Variants in PSMD5 observed in about 807,000 individuals in gnomAD.
The protein encoded by PSMD5 is 26S proteasome non-ATPase regulatory subunit 5.
PSMD5 carries 40 observed loss-of-function variants against 52.1 expected under a neutral mutation model. The observed-to-expected ratio is 0.77, with a 90% CI of 0.60 to 1.00. The LOEUF (loss-of-function observed/expected upper bound fraction) is 1.00. Among genes scored for constraint, PSMD5 ranks in the 50% least tolerant of loss-of-function variants. The pLI is 0.00. For synonymous variants in PSMD5, 211 were observed against 226.6 expected (o/e 0.93, Z 0.62); for missense variants, 575 against 605.2 (o/e 0.95, Z 0.52).
chr9:120,838,161 G>T (rs912849320), intron 1 of PSMD5, among the ~76,000 whole-genome samples: 1 of 152,202 alleles, frequency 6.6e-6, no homozygotes, highest in African/African-American at 2.4e-5. Context: ...GCCTCTGGGA[G>T]TGAAAGATAC....
chr9:120,833,168 A>AG, intron 2 of PSMD5, 144 bp downstream of exon 2: 1 of 939,354 alleles, frequency 1.1e-6, no homozygotes, highest in Non-Finnish European at 1.6e-6. Flanking sequence ...CACATTTCCT[A>AG]GGGGGAAAGA....
chr9:120,826,561 C>T (rs2045123222), intron 6 of PSMD5: 2 of 545,996 alleles, frequency 3.7e-6, no homozygotes, highest in African/African-American at 1.9e-5. Context: ...AATCCCACTT[C>T]ATCAGGGTGG....
chr9:120,820,839 C>G lies in PSMD5; in HGVS notation c.1257G>C (p.Thr419=). The G allele has an allele frequency of 6.4e-7, 1 of 1,571,546 alleles. No homozygotes were observed. Among genetic ancestry groups the G allele is most frequent in the African/African-American group, 1.4e-5 (1 of 73,038 alleles). ...ELHCAALKVF[T]AIANQPWAQK... ...AGGACCTATGGAAGTGAATACCTAC[C>G]GTAAACACTTTTAAGGCAGCACAGT... The change falls in exon 9 of 10, where the codon ACG becomes ACC. Residue 419 remains threonine (T), a splice_region_variant and synonymous_variant. Transcript: ENST00000210313.
intron 1 of PSMD5, 39 bp downstream of exon 1, chr9:120,842,698 T>G (rs1186379644): frequency 1.2e-6 from 2 of 1,608,960 alleles, no homozygotes; most frequent in African/African-American, 1.3e-5. Context: ...TATTTAGGGG[T>G]GCCCCTCTCC....
At chr9:120,829,337 G>A (rs2045144990) in intron 4 of PSMD5, 129 bp from the exon 5 acceptor site, 1 of 1,141,040 alleles carries the variant, frequency 8.8e-7, no homozygotes, top group Non-Finnish European at 1.1e-6. Flanking sequence ...TCCATTATTT[G>A]TCTCTTTAAG....
Position 120,831,842 on chromosome 9 carries a change from A to G in PSMD5, c.422T>C (p.Val141Ala), listed in dbSNP as rs754966698. ...TTCTAGTAGACTCACCGCTTTTGCT[A>G]CAGATAGATTCTCTCCACCAATGCA... Reference protein sequence around the residue: ...VYCIGGENLSVAKAAIKSLSR... With the variant: ...VYCIGGENLSAAKAAIKSLSR... The change falls in exon 3 of 10, where the codon GTA becomes GCA. Residue 141 changes from valine (V) to alanine (A), a missense_variant. Physicochemically the swap from Val to Ala is moderately conservative, Grantham distance 64. Coordinates refer to ENST00000210313, the MANE Select transcript of PSMD5 (RefSeq NM_005047.4). 1 of 1,612,542 alleles carries G rather than the reference A, an allele frequency of 6.2e-7. No individual in the cohort carries two copies. The highest frequency in any genetic ancestry group is 1.1e-5 in the South Asian group (1 of 90,962).
At chr9:120,826,964 T>C in intron 5 of PSMD5, 57 bp from the exon 6 acceptor site, 3 of 1,504,626 alleles carry the variant, frequency 2.0e-6, no homozygotes, top group Non-Finnish European at 1.8e-6. Context: ...GCATAGTTTA[T>C]AAATTGCTCT....
intron 3 of PSMD5, 133 bp from the exon 4 acceptor site, chr9:120,831,592 G>A (rs1456198034): frequency 1.1e-5 from 13 of 1,206,782 alleles, no homozygotes; most frequent in South Asian, 3.2e-5. Context: ...TGGAAAAGAC[G>A]CAAGGTATCC....
At chr9:120,820,568 T>A (rs2045076551) in intron 9 of PSMD5, among the ~76,000 whole-genome samples, 1 of 152,212 alleles carries the variant, frequency 6.6e-6, no homozygotes, top group Non-Finnish European at 1.5e-5. Flanking sequence ...AGACCAGGGC[T>A]AGGTTAATAG....
intron 6 of PSMD5, among the ~76,000 whole-genome samples, chr9:120,826,372 T>C (rs1284853798): frequency 6.6e-6 from 1 of 152,200 alleles, no homozygotes; most frequent in Non-Finnish European, 1.5e-5. Context: ...ACATGGCCTT[T>C]ATTGTGTTGA....
In PSMD5 at chr9:120,842,898, C is replaced by T. The variant is rs749297201; in HGVS notation, c.12G>A (p.Gln4=). The T allele has an allele frequency of 6.3e-6, 10 of 1,589,122 alleles. No homozygotes were observed. In the Admixed American group the frequency reaches 8.5e-5, roughly 14 times the overall value. The change falls in exon 1 of 10, where the codon CAG becomes CAA. Residue 4 remains glutamine (Q), a synonymous_variant. Coordinates refer to ENST00000210313, the MANE Select transcript of PSMD5 (RefSeq NM_005047.4). The stretch of plus-strand genomic sequence containing the variant: ...CTACCTCTCTCAGCAGCGCCAAAGC[C>T]TGGGCTGCCATCTTGCCCCCCGACG... MAA[Q]ALALLREVAR...
rs144296104 is a variant in PSMD5 at position 120,826,831 on chromosome 9, T to C, written c.748A>G (p.Ile250Val). The C allele has an allele frequency of 1.4e-4, 229 of 1,613,298 alleles. No individual in the cohort carries two copies. Among genetic ancestry groups the C allele is most frequent in the Non-Finnish European group, 1.9e-4 (223 of 1,179,342 alleles). ...ACAATTATATTAGAAATTTGGTCAA[T>C]TACTCCTTCTTGAGCAAGATATTGT... ...GRQYLAQEGV[I>V]DQISNIIVGA... Residue 250 changes from isoleucine (I) to valine (V), a missense_variant, in exon 6 of 10, where the codon ATT becomes GTT. By Grantham distance (29) the Ile-to-Val change is conservative (BLOSUM62 3). Coordinates refer to ENST00000210313, the MANE Select transcript of PSMD5 (RefSeq NM_005047.4).
intron 2 of PSMD5, among the ~76,000 whole-genome samples, chr9:120,832,313 GAACAGGCAAAGCACCTGCT>G (rs2131430661): frequency 6.6e-6 from 1 of 151,326 alleles, no homozygotes; most frequent in South Asian, 2.1e-4. Context: ...AAATGAGACC[GAACAGGCAAAGCACCTGCT>G]ACAGTGTCTG....
chr9:120,837,668 A>C (rs2045207533), intron 1 of PSMD5, among the ~76,000 whole-genome samples: 1 of 152,242 alleles, frequency 6.6e-6, no homozygotes, highest in African/African-American at 2.4e-5. Context: ...AAAATACTAT[A>C]ACCACTTTGG....
At position 120,824,512 on chromosome 9, in the gene PSMD5, G is replaced by T; in HGVS notation, c.988C>A (p.Gln330Lys). 1 of 1,614,088 alleles carries T rather than the reference G, an allele frequency of 6.2e-7. No homozygotes were observed. The highest frequency in any genetic ancestry group is 8.5e-7 in the Non-Finnish European group (1 of 1,180,020). Residue 330 changes from glutamine to lysine, a missense_variant, in exon 7 of 10, where the codon CAG (glutamine) becomes AAG (lysine). Coordinates refer to ENST00000210313, the MANE Select transcript of PSMD5 (RefSeq NM_005047.4). ...TACCAACCTGTTTTCTGTAAAACCT[G>T]TTTTCCTTCAACATTGGATCCCAAG... is the stretch of plus-strand genomic sequence containing the variant. ...GILGSNVEGK[Q>K]VLQKTGTRFE...
Position 120,823,510 on chromosome 9 carries a change from C to CTTTTTTTTTTTTT in PSMD5, c.1006+971_1006+983dup, listed in dbSNP as rs1263218977. Among the ~76,000 whole-genome samples the CTTTTTTTTTTTTT allele has an allele frequency of 1.8e-4, 20 of 108,664 alleles. 1 individual carries two copies. Among genetic ancestry groups the CTTTTTTTTTTTTT allele is most frequent in the African/African-American group, 6.0e-4 (17 of 28,228 alleles). The allele number at this position is 108,664 out of a possible 152,430, so 71.3% of individuals were successfully genotyped here. Reference sequence around the variant, plus strand: ...AGGCATGAGCCACCATACCTGGCCTCTTTTTTTTTTTTTTTTTTTGAGATA... The same window carrying CTTTTTTTTTTTTT: ...AGGCATGAGCCACCATACCTGGCCTCTTTTTTTTTTTTTTTTTTTTTTTTTTTTTTTTGAGATA... On this transcript the variant is annotated intron_variant, in intron 7 of 9. Transcript: ENST00000210313.
intron 5 of PSMD5, 39 bp downstream of exon 5, chr9:120,829,060 A>G: frequency 6.6e-7 from 1 of 1,518,440 alleles, no homozygotes; most frequent in East Asian, 2.3e-5. Flanking sequence ...CCAGCCCTTC[A>G]AAAGAGGATA....
At chr9:120,824,903 A>AT (rs1234025746) in intron 6 of PSMD5, 1 of 427,892 alleles carries the variant, frequency 2.3e-6, no homozygotes, top group African/African-American at 2.0e-5. Context: ...GGGACCAGCT[A>AT]TTGAAGTACT....
intron 5 of PSMD5, 75 bp from the exon 6 acceptor site, chr9:120,826,982 G>T (rs935683972): frequency 8.7e-6 from 12 of 1,375,642 alleles, no homozygotes; most frequent in East Asian, 4.9e-5. Context: ...TCTCATACAG[G>T]TTATCTTATT....
Sources: allele counts gnomAD v4.1 joint callset (sites outside exome capture counted in the v4.1 genomes callset), GRCh38; gene constraint gnomAD v4.1.1; transcripts MANE v1.5; gene names NCBI Gene and HGNC (gene_info 2026-07-23, HGNC 2026-07-21).